The following NCBP1 variants were observed in gnomAD, a reference collection of about 807,000 sequenced individuals.
The protein encoded by NCBP1 is nuclear cap-binding protein subunit 1.
In NCBP1, 16 loss-of-function variants were observed where a neutral mutation model predicts 111.7. The ratio of observed to expected loss-of-function variants is 0.14; its 90% CI spans 0.10 to 0.22. NCBP1 has a LOEUF of 0.22. NCBP1 is among the 10% of genes least tolerant of loss of function. NCBP1 has a pLI of 1.00. For synonymous variants in NCBP1, 304 were observed against 314.3 expected (o/e 0.97, Z 0.35); for missense variants, 607 against 957.5 (o/e 0.63, Z 4.83).
intron 16 of NCBP1, 84 bp from the exon 17 acceptor site, chr9:97,661,958 C>T: frequency 1.1e-6 from 1 of 895,280 alleles, no homozygotes. Flanking sequence ...TAGATGTGAG[C>T]AACCATCTAT....
chr9:97,637,670 A>C (rs1182079894), intron 1 of NCBP1, among the ~76,000 whole-genome samples: 1 of 152,196 alleles, frequency 6.6e-6, no homozygotes, highest in East Asian at 1.9e-4. Flanking sequence ...TTATCTTTCA[A>C]GTTGTTCAAT....
At chr9:97,639,600 A>G (rs1327285031) in intron 1 of NCBP1, among the ~76,000 whole-genome samples, 2 of 152,186 alleles carry the variant, frequency 1.3e-5, no homozygotes, top group Non-Finnish European at 2.9e-5. Flanking sequence ...GATTCCCTGC[A>G]CAGTTACAGG....
intron 10 of NCBP1, among the ~76,000 whole-genome samples, chr9:97,653,080 T>A (rs1156709095): frequency 3.9e-5 from 6 of 152,060 alleles, no homozygotes; most frequent in Admixed American, 2.6e-4. Flanking sequence ...TGGAATGACT[T>A]GATTTTCTTG....
At chr9:97,657,049 A>G (rs1056085675) in intron 14 of NCBP1, among the ~76,000 whole-genome samples, 2 of 152,068 alleles carry the variant, frequency 1.3e-5, no homozygotes, top group Admixed American at 6.5e-5. Context: ...GCTCACTGCA[A>G]GCGCCACCTC....
chr9:97,637,252 G>A (rs1297645996), intron 1 of NCBP1, among the ~76,000 whole-genome samples: 1 of 152,182 alleles, frequency 6.6e-6, no homozygotes, highest in East Asian at 1.9e-4. Flanking sequence ...TATAAACAAG[G>A]AAAAGGAAAT....
rs1827397044 is a variant in NCBP1, at chr9:97,648,135, C to T, written c.809C>T (p.Pro270Leu). ...GAAGCACTGCAGCACAATCTGCCTC[C>T]TTTTACACCACCTCCTCACACTGAA... ...LCEALQHNLP[P>L]FTPPPHTEDS... Residue 270 changes from proline to leucine, a missense_variant, in exon 8 of 23, where the codon CCT becomes CTT. This residue lies in a region of NCBP1 where 53 missense variants were observed against 144.8 expected (regional missense o/e 0.37). Coordinates refer to ENST00000375147, the MANE Select transcript of NCBP1 (RefSeq NM_002486.5). The T allele has an allele frequency of 6.2e-7, 1 of 1,614,050 alleles. No homozygotes were observed. Among genetic ancestry groups the T allele is most frequent in the African/African-American group, 1.3e-5 (1 of 74,914 alleles).
chr9:97,661,296 T>A (rs41301533), intron 16 of NCBP1, among the ~76,000 whole-genome samples: 1 of 152,302 alleles, frequency 6.6e-6, no homozygotes, highest in Non-Finnish European at 1.5e-5. Flanking sequence ...AAATACAAAG[T>A]GAAATATGTT....
At chr9:97,664,127 T>C (rs1388303443) in intron 18 of NCBP1, among the ~76,000 whole-genome samples, 1 of 151,964 alleles carries the variant, frequency 6.6e-6, no homozygotes, top group Non-Finnish European at 1.5e-5. Flanking sequence ...TGCAGTGAGC[T>C]GAGATCGTGC....
At chr9:97,653,739 T>C in intron 10 of NCBP1, 59 bp from the exon 11 acceptor site, 1 of 1,311,456 alleles carries the variant, frequency 7.6e-7, no homozygotes, top group Non-Finnish European at 1.1e-6. Context: ...TTAAGGTCTT[T>C]CTAATAGAAG....
Position 97,650,605 on chromosome 9 carries a change from G to A in NCBP1, c.995+5G>A. 6.2e-7 allele frequency: 1 copy of A among 1,608,590 alleles called. No individual in the cohort carries two copies. Among genetic ancestry groups the A allele is most frequent in the Non-Finnish European group, 8.5e-7 (1 of 1,175,864 alleles). On this transcript the variant is annotated splice_donor_5th_base_variant and intron_variant, in intron 9 of 22. Transcript: ENST00000375147. ...CTGGAAGGAAAGGAAGACTTGGTAA[G>A]ATTCTTTTCATGGTACTTTTAGAAG...
chr9:97,634,007 T>G, intron 1 of NCBP1, 92 bp downstream of exon 1: 8 of 1,384,256 alleles, frequency 5.8e-6, no homozygotes, highest in African/African-American at 1.5e-5. Flanking sequence ...CTGGAAGCTC[T>G]TCTCCCCGGG....
intron 1 of NCBP1, among the ~76,000 whole-genome samples, chr9:97,640,587 T>A (rs1234089464): frequency 6.6e-6 from 1 of 152,086 alleles, no homozygotes; most frequent in Non-Finnish European, 1.5e-5. Context: ...AAATAATGCC[T>A]CCTGGAGTTA....
chr9:97,652,896 G>A (rs114820626), intron 10 of NCBP1, among the ~76,000 whole-genome samples: 2,017 of 152,278 alleles, frequency 0.013, 47 homozygotes, highest in African/African-American at 0.047. Flanking sequence ...AGACCGAAGT[G>A]TAGAAGTGTG....
intron 5 of NCBP1, 75 bp downstream of exon 5, chr9:97,645,299 C>G: frequency 8.4e-7 from 1 of 1,188,996 alleles, no homozygotes; most frequent in South Asian, 1.3e-5. Context: ...CATATAGTAC[C>G]AGGAATTTTT....
rs1047639599 is a variant in NCBP1 at position 97,645,363 on chromosome 9, T to C, written c.489+139T>C. 3.9e-6 allele frequency: 3 copies of C among 769,594 alleles called. No individual in the cohort carries two copies. The African/African-American group carries it at 5.3e-5, about 14-fold the overall frequency. The allele number at this position is 769,594 out of a possible 1,614,324, so 47.7% of individuals were successfully genotyped here. On this transcript the variant is annotated intron_variant, in intron 5 of 22. Transcript: ENST00000375147. ...AAAATAACAGCAGACTATCACACTT[T>C]AAGTTCTTACTATCTAAAAATTAAG...
At chr9:97,635,527 C>T (rs2131327036) in intron 1 of NCBP1, among the ~76,000 whole-genome samples, 1 of 152,004 alleles carries the variant, frequency 6.6e-6, no homozygotes, top group African/African-American at 2.4e-5. Flanking sequence ...CCTCCCACCT[C>T]AGCCTCCTAA....
intron 1 of NCBP1, among the ~76,000 whole-genome samples, chr9:97,639,527 A>C (rs943874664): frequency 1.3e-5 from 2 of 152,202 alleles, no homozygotes; most frequent in Non-Finnish European, 2.9e-5. Flanking sequence ...TGAAGATTGA[A>C]GTTATATGTA....
chr9:97,670,405 G>A (rs527828039), intron 22 of NCBP1, among the ~76,000 whole-genome samples: 2 of 152,094 alleles, frequency 1.3e-5, no homozygotes, highest in East Asian at 1.9e-4. Flanking sequence ...GCAAAATGCC[G>A]GCACCTATTC....
chr9:97,640,300 A>G (rs776780101), intron 1 of NCBP1, among the ~76,000 whole-genome samples: 10 of 152,114 alleles, frequency 6.6e-5, no homozygotes, highest in Non-Finnish European at 1.2e-4. Flanking sequence ...TTTCTGATCA[A>G]GTCTTTCCAA....
Sources: gnomAD v4.1 joint callset for allele counts (sites outside exome capture counted in the v4.1 genomes callset) on GRCh38, gnomAD v4.1.1 for gene constraint, gnomAD v4.1.1 regional missense constraint, MANE v1.5 for transcripts, NCBI Gene and HGNC (gene_info 2026-07-23, HGNC 2026-07-21) for gene names.